Variants in ARHGEF26 observed in about 807,000 individuals in gnomAD.
ARHGEF26 encodes the protein Rho guanine nucleotide exchange factor 26.
A neutral mutation model predicts 89.4 loss-of-function variants in ARHGEF26; 59 were observed. The ratio of observed to expected loss-of-function variants is 0.66; its 90% confidence interval spans 0.54 to 0.82. ARHGEF26 has a LOEUF of 0.82. ARHGEF26 is among the 40% of genes least tolerant of loss of function. ARHGEF26 has a pLI of 0.00. For synonymous variants in ARHGEF26, 500 were observed against 428.4 expected, an observed-to-expected ratio of 1.17 and a Z score of -2.06; for missense variants, 1,234 against 1,085.6, an observed-to-expected ratio of 1.14 and a Z score of -1.92.
chr3:154,253,084 A>G lies in ARHGEF26; in HGVS notation c.2301-32A>G, dbSNP rs745556967. On this transcript the variant is annotated intron_variant, in intron 12 of 14. Coordinates refer to ENST00000465093, the MANE Select transcript of ARHGEF26 (RefSeq NM_015595.4). ...CTCCATTCTGTGTTTTTACACCTTG[A>G]GTCTCTCAGTTGGATCTGCCCTCTG... 5.0e-6 allele frequency: 8 copies of G among 1,612,284 alleles called. No individual in the cohort carries two copies. The East Asian group carries it at 6.7e-5, about 13-fold the overall frequency.
intron 10 of ARHGEF26, 29 bp downstream of exon 10, chr3:154,217,987 C>G (rs1410648884): frequency 5.9e-6 from 9 of 1,531,970 alleles, no homozygotes; most frequent in Admixed American, 3.9e-5. Context: ...CATTACTGTT[C>G]TTGCCTATGT....
chr3:154,187,641 T>C (rs1713667644), intron 6 of ARHGEF26, 44 bp from the exon 7 acceptor site: 1 of 1,513,982 alleles, frequency 6.6e-7, no homozygotes, highest in African/African-American at 1.4e-5. Flanking sequence ...TCTGTTAGAG[T>C]GTATGAAAGA....
chr3:154,209,076 A>AT (rs1445381921), intron 9 of ARHGEF26, among the ~76,000 whole-genome samples: 3 of 151,878 alleles, frequency 2.0e-5, no homozygotes, highest in Non-Finnish European at 4.4e-5. Context: ...CGCCAGTTGC[A>AT]TTTTTTGGCT....
intron 6 of ARHGEF26, among the ~76,000 whole-genome samples, chr3:154,173,539 T>G (rs1283887533): frequency 6.6e-6 from 1 of 152,206 alleles, no homozygotes; most frequent in Admixed American, 6.5e-5. Flanking sequence ...CAACCATACA[T>G]TTGTCAACGT....
chr3:154,228,280 G>A (rs555928386), intron 11 of ARHGEF26, among the ~76,000 whole-genome samples: 1,628 of 151,938 alleles, frequency 0.011, 23 homozygotes, highest in African/African-American at 0.037. Context: ...TGGGATTACA[G>A]GCATGCGCCA....
intron 9 of ARHGEF26, among the ~76,000 whole-genome samples, chr3:154,212,528 A>G (rs1715440691): frequency 1.3e-5 from 2 of 151,698 alleles, no homozygotes; most frequent in Non-Finnish European, 2.9e-5. Context: ...AGGAACACTT[A>G]AAAGTGGTCT....
intron 9 of ARHGEF26, among the ~76,000 whole-genome samples, chr3:154,210,172 C>T (rs1456391896): frequency 2.0e-5 from 3 of 152,090 alleles, no homozygotes; most frequent in African/African-American, 7.2e-5. Context: ...CAGGGCAGGT[C>T]CAGAAATGCC....
intron 7 of ARHGEF26, among the ~76,000 whole-genome samples, chr3:154,190,310 G>C (rs941041263): frequency 2.6e-5 from 4 of 152,118 alleles, no homozygotes; most frequent in Non-Finnish European, 5.9e-5. Context: ...CCAGGAGTTC[G>C]AGACTACCCT....
At chr3:154,146,692 A>G (rs539814291) in intron 4 of ARHGEF26, among the ~76,000 whole-genome samples, 5 of 152,350 alleles carry the variant, frequency 3.3e-5, no homozygotes, top group South Asian at 2.1e-4. Context: ...AGCAAGTTCT[A>G]TGCATTCACT....
At chr3:154,154,382 C>A (rs1014510032) in intron 6 of ARHGEF26, among the ~76,000 whole-genome samples, 1 of 151,694 alleles carries the variant, frequency 6.6e-6, no homozygotes, top group Admixed American at 6.6e-5. Flanking sequence ...TCAGTAGATA[C>A]CCAGAAAAAA....
intron 9 of ARHGEF26, among the ~76,000 whole-genome samples, chr3:154,204,164 A>G (rs377565): frequency 0.88 from 133,299 of 152,010 alleles, 58,572 homozygotes; most frequent in East Asian, 1. Context: ...TACAGCTTCA[A>G]TCTCATTACT....
At chr3:154,195,899 A>T (rs1158626102) in intron 9 of ARHGEF26, among the ~76,000 whole-genome samples, 1 of 152,158 alleles carries the variant, frequency 6.6e-6, no homozygotes, top group Non-Finnish European at 1.5e-5. Flanking sequence ...TCATAGTCTT[A>T]TTAGGGAAAA....
intron 4 of ARHGEF26, among the ~76,000 whole-genome samples, chr3:154,146,953 T>C (rs944376065): frequency 4.6e-5 from 7 of 152,252 alleles, no homozygotes; most frequent in Admixed American, 3.9e-4. Context: ...TTTGCAATTT[T>C]ACTTGTTGAT....
chr3:154,247,367 G>A (rs1252948800), intron 12 of ARHGEF26, among the ~76,000 whole-genome samples: 1 of 152,166 alleles, frequency 6.6e-6, no homozygotes, highest in East Asian at 1.9e-4. Context: ...TCCATCACCT[G>A]CCAGTTCTTC....
In ARHGEF26 at chr3:154,137,813, TAAAAA is replaced by T. The variant is rs35590555; in HGVS notation, c.1269+8105_1269+8109del. On this transcript the variant is annotated intron_variant, in intron 4 of 14. Transcript: ENST00000465093. Reference sequence around the variant, plus strand: ...GCAACATAGTGAGACCCCTATCTCTTAAAAAAAAAAAAAAAGAAGAAGAGAAGAAG... The same window carrying T: ...GCAACATAGTGAGACCCCTATCTCTTAAAAAAAAAAGAAGAAGAGAAGAAG... 1.0e-4 allele frequency among the ~76,000 whole-genome samples: 14 copies of T among 139,364 alleles called. 1 individual carries two copies. In the East Asian group the frequency reaches 1.9e-3, roughly 19 times the overall value. The allele number at this position is 139,364 out of a possible 152,430, so 91.4% of individuals were successfully genotyped here.
chr3:154,122,172 C>CA lies in ARHGEF26; in HGVS notation c.180_181insA (p.Ala61SerfsTer19). On this transcript the variant is annotated frameshift_variant, in exon 2 of 15. Transcript: ENST00000465093. LOFTEE classifies it high-confidence loss of function. ...CGGTGGAGGACGGAGGGACGCTCCT[C>CA]GCAGCGCAGATTCCCGCCCAGGTGC... is the stretch of plus-strand genomic sequence containing the variant. The CA allele has an allele frequency of 6.3e-7, 1 of 1,597,866 alleles. No individual in the cohort carries two copies. Among genetic ancestry groups the CA allele is most frequent in the East Asian group, 2.3e-5 (1 of 43,748 alleles).
chr3:154,122,169 C>A lies in ARHGEF26; in HGVS notation c.177C>A (p.Leu59=). The A allele has an allele frequency of 6.3e-7, 1 of 1,599,774 alleles. No individual in the cohort carries two copies. The highest frequency in any genetic ancestry group is 1.1e-5 in the South Asian group (1 of 89,056). Reference sequence around the variant, plus strand: ...TCCCGGTGGAGGACGGAGGGACGCTCCTCGCAGCGCAGATTCCCGCCCAGG... The same window carrying A: ...TCCCGGTGGAGGACGGAGGGACGCTACTCGCAGCGCAGATTCCCGCCCAGG... The part of the protein sequence containing the change: ...TDFPVEDGGT[L]LAAQIPAQVP... Residue 59 remains leucine, a synonymous_variant, in exon 2 of 15, where the codon CTC becomes CTA. Transcript: ENST00000465093.
At chr3:154,130,146 A>ATTTTTTTTTTTT (rs1339031022) in intron 4 of ARHGEF26, among the ~76,000 whole-genome samples, 1 of 29,014 alleles carries the variant, frequency 3.4e-5, no homozygotes, top group Non-Finnish European at 5.6e-5. Context: ...CTTCCTTGGA[A>ATTTTTTTTTTTT]ATTTTTTTTT....
At chr3:154,132,373 C>G (rs1220231894) in intron 4 of ARHGEF26, among the ~76,000 whole-genome samples, 1 of 152,116 alleles carries the variant, frequency 6.6e-6, no homozygotes, top group Non-Finnish European at 1.5e-5. Context: ...CTCCTTCCTA[C>G]CTCCCCAGAG....
Sources: gnomAD v4.1 joint callset for allele counts (sites outside exome capture counted in the v4.1 genomes callset) on GRCh38, gnomAD v4.1.1 for gene constraint, MANE v1.5 for transcripts, NCBI Gene and HGNC (gene_info 2026-07-23, HGNC 2026-07-21) for gene names.